NEB: variants seen among roughly 807,000 people sequenced by gnomAD.
NEB encodes the protein nemaline myopathy type 2.
NEB carries 512 observed loss-of-function variants against 952.2 expected under a neutral mutation model. That is an observed-to-expected ratio of 0.54 (90% CI 0.50 to 0.58). NEB has a LOEUF of 0.58. Ranked by LOEUF, NEB falls within the 20% of genes least tolerant of loss-of-function variation. The pLI, the probability that NEB is intolerant of heterozygous loss-of-function variation, is 0.00. For synonymous variants in NEB, 2,900 were observed against 3,149.8 expected, an observed-to-expected ratio of 0.92 and a Z score of 2.66; for missense variants, 8,428 against 9,231.1, an observed-to-expected ratio of 0.91 and a Z score of 3.56.
chr2:151,682,538 G>T, intron 29 of NEB, 124 bp downstream of exon 29: 2 of 769,864 alleles, frequency 2.6e-6, no homozygotes, highest in Non-Finnish European at 4.2e-6. Flanking sequence ...TTGTGCACGT[G>T]GTAAGCTCTT....
chr2:151,728,203 G>C (rs533225671), intron 4 of NEB, among the ~76,000 whole-genome samples: 11 of 152,078 alleles, frequency 7.2e-5, no homozygotes, highest in Admixed American at 1.3e-4. Flanking sequence ...TCAAAGTAGT[G>C]GGGGGGAAAT....
intron 125 of NEB, among the ~76,000 whole-genome samples, chr2:151,554,643 C>G (rs2095528582): frequency 6.6e-6 from 1 of 152,184 alleles, no homozygotes. Context: ...TTTGGAGTTA[C>G]CCTCATGTGT....
chr2:151,650,045 C>T, intron 54 of NEB, 131 bp downstream of exon 54: 2 of 825,282 alleles, frequency 2.4e-6, no homozygotes, highest in South Asian at 3.5e-5. Context: ...ATAAAATGAT[C>T]CAATATAAAA....
At chr2:151,496,786 G>A (rs2060515850) in intron 172 of NEB, among the ~76,000 whole-genome samples, 155 bp downstream of exon 172, 1 of 152,116 alleles carries the variant, frequency 6.6e-6, no homozygotes. Flanking sequence ...AATGGTGTTA[G>A]GCTAGAAGTA....
At chr2:151,638,807 CTGTGTGTGTGTGTGTG>C (rs71996133) in intron 63 of NEB, among the ~76,000 whole-genome samples, 40 of 147,958 alleles carry the variant, frequency 2.7e-4, no homozygotes, top group Middle Eastern at 3.5e-3. Context: ...TTCTCTCTCT[CTGTGTGTGTGTGTGTG>C]TGTGTGTGTG....
At position 151,614,563 on chromosome 2, in the gene NEB, T is replaced by C; in HGVS notation, c.11314A>G (p.Lys3772Glu). ...SDYKYKEGYR[K>E]QLGHHIGARN... is the part of the protein sequence containing the mutation. Reference sequence around the variant, plus strand: ...GCCCCAATATGGTGGCCAAGCTGTTTGCGGTAGCCTTCCTTGTACTTGTAC... The same window carrying C: ...GCCCCAATATGGTGGCCAAGCTGTTCGCGGTAGCCTTCCTTGTACTTGTAC... Residue 3772 changes from lysine (K) to glutamate (E), a missense_variant, in exon 77 of 182, where the codon AAA (lysine) becomes GAA (glutamate). Transcript: ENST00000397345. 1 of 1,613,736 alleles carries C rather than the reference T, an allele frequency of 6.2e-7. No homozygotes were observed. Among genetic ancestry groups the C allele is most frequent in the African/African-American group, 1.3e-5 (1 of 75,038 alleles).
intron 113 of NEB, 44 bp from the exon 114 acceptor site, chr2:151,567,523 C>T: frequency 1.3e-6 from 2 of 1,529,712 alleles, no homozygotes. Flanking sequence ...TTGACAAGCA[C>T]ACAAGGCAGA....
In NEB at chr2:151,568,396, T is replaced by G. The variant is rs766548586; in HGVS notation, c.17656A>C (p.Asn5886His). Residue 5886 changes from asparagine (N) to histidine (H), a missense_variant, in exon 112 of 182, where the codon AAT becomes CAT. Physicochemically the swap from Asn to His is moderately conservative, Grantham distance 68. Coordinates refer to ENST00000397345, the MANE Select transcript of NEB (RefSeq NM_001164508.2). The stretch of plus-strand genomic sequence containing the variant: ...AGGGTGTACTTTGATTTGGTGGCAT[T>G]CCAGTCTTTCCGGTATTTAATCTAA... ...LDDIKYRKDW[N>H]ATKSKYTLTE... The G allele has an allele frequency of 1.2e-6, 2 of 1,606,246 alleles. No individual in the cohort carries two copies. The highest frequency in any genetic ancestry group is 2.2e-5 in the South Asian group (2 of 90,802).
In NEB at chr2:151,525,129, T is replaced by A. The variant is rs375442628; in HGVS notation, c.22272+34A>T. 6 of 1,458,588 alleles carry A rather than the reference T, an allele frequency of 4.1e-6. No individual in the cohort carries two copies. In the African/African-American group the frequency reaches 8.4e-5, roughly 20 times the overall value. 90.4% of individuals were successfully genotyped at this position (1,458,588 alleles called of 1,614,324 possible). A position where few individuals can be genotyped will look rare whatever the true frequency, so the allele number is the denominator to read the frequency against. On this transcript the variant is annotated intron_variant, in intron 151 of 181. Transcript: ENST00000397345. ...CCAATCTGGGTTCCACTGCTTCAAA[T>A]GGGCCCCCAAGAGTGTTGAGAGGGA...
chr2:151,727,724 T>C lies in NEB; in HGVS notation c.261A>G (p.Ala87=), dbSNP rs1254794698. The part of the protein sequence containing the change: ...DPSKFMTPYI[A]HSQKMQDLFS... ...AAAGATCCTGCATTTTCTGACTGTG[T>C]GCAATGTAGGGGGTCATGAACTTTG... is the stretch of plus-strand genomic sequence containing the variant. Residue 87 remains alanine (A), a synonymous_variant, in exon 5 of 182, where the codon GCA becomes GCG. Transcript: ENST00000397345. 6.2e-7 allele frequency: 1 copy of C among 1,613,598 alleles called. No homozygotes were observed. The highest frequency in any genetic ancestry group is 1.1e-5 in the South Asian group (1 of 91,080).
Position 151,685,067 on chromosome 2 carries a change from G to C in NEB, c.2638-92C>G, listed in dbSNP as rs1010094324. ...TTTCATAAACAATAAATACAAGTTA[G>C]AGAAAGAGTCAAACATCTGAGTAGT... is the stretch of plus-strand genomic sequence containing the variant. On this transcript the variant is annotated intron_variant, in intron 27 of 181. Coordinates refer to ENST00000397345, the MANE Select transcript of NEB (RefSeq NM_001164508.2). 30 of 1,306,116 alleles carry C rather than the reference G, an allele frequency of 2.3e-5. No individual in the cohort carries two copies. In the African/African-American group the frequency reaches 4.2e-4, roughly 18 times the overall value. 80.9% of individuals were successfully genotyped at this position (1,306,116 alleles called of 1,614,324 possible).
intron 170 of NEB, chr2:151,498,048 A>ATTAT (rs2061494097): frequency 3.5e-6 from 5 of 1,448,962 alleles, no homozygotes; most frequent in South Asian, 3.0e-5. Context: ...GGAAACATTC[A>ATTAT]TTATTTTTAA....
intron 124 of NEB, among the ~76,000 whole-genome samples, chr2:151,557,500 C>A (rs187197725): frequency 8.9e-4 from 135 of 152,296 alleles, no homozygotes; most frequent in African/African-American, 3.2e-3. Flanking sequence ...AAGAGAGAAT[C>A]CTCCCTAACT....
Position 151,531,875 on chromosome 2 carries a change from C to G in NEB, c.21439G>C (p.Glu7147Gln), listed in dbSNP as rs139840492. 6.3e-7 allele frequency: 1 copy of G among 1,598,248 alleles called. No homozygotes were observed. Among genetic ancestry groups the G allele is most frequent in the East Asian group, 2.3e-5 (1 of 44,376 alleles). ...GAGGTAAATTTGTCCTTTGATTTTTCATAGTTTTTCCTGTATTTGATCTAA... is the reference window on the plus strand; with the variant it reads ...GAGGTAAATTTGTCCTTTGATTTTTGATAGTTTTTCCTGTATTTGATCTAA... ...WSQIKYRKNY[E>Q]KSKDKFTSIV... The change falls in exon 144 of 182, where the codon GAA (glutamate) becomes CAA (glutamine). Residue 7147 changes from glutamate (E) to glutamine (Q), a missense_variant. By Grantham distance (29) the Glu-to-Gln change is conservative. This residue lies in a region of NEB where 3,374 missense variants were observed against 3,651.5 expected (regional missense o/e 0.92). Transcript: ENST00000397345.
At chr2:151,658,835 C>A (rs964696164) in intron 47 of NEB, among the ~76,000 whole-genome samples, 3 of 152,102 alleles carry the variant, frequency 2.0e-5, no homozygotes, top group African/African-American at 7.2e-5. Context: ...GGAGTGCCCC[C>A]CTAGAACAAA....
At position 151,576,193 on chromosome 2, in the gene NEB, A is replaced by C. The variant is rs2096822866; in HGVS notation, c.16866T>G (p.Pro5622=). The change falls in exon 106 of 182, where the codon CCT becomes CCG. Residue 5622 remains proline, a synonymous_variant. Transcript: ENST00000397345. ...NLKYTSIVDT[P]EVVLAKSNAE... ...CATTTGATTTAGCAAGGACCACTTCAGGTGTGTCAACAATGCTTGTGTACT... is the reference window on the plus strand; with the variant it reads ...CATTTGATTTAGCAAGGACCACTTCCGGTGTGTCAACAATGCTTGTGTACT... The C allele has an allele frequency of 6.2e-7, 1 of 1,609,796 alleles. No homozygotes were observed. The highest frequency in any genetic ancestry group is 1.3e-5 in the African/African-American group (1 of 74,852).
chr2:151,635,770 T>C (rs2098750128), intron 64 of NEB, among the ~76,000 whole-genome samples: 1 of 151,534 alleles, frequency 6.6e-6, no homozygotes, highest in Non-Finnish European at 1.5e-5. Flanking sequence ...ACTGATCAAC[T>C]GCCTTCTTTT....
intron 181 of NEB, chr2:151,486,557 C>T (rs573399302): frequency 2.6e-5 from 4 of 152,374 alleles, no homozygotes; most frequent in South Asian, 4.1e-4. Context: ...CATCCATGTC[C>T]GTAGCAGCAT....
chr2:151,629,416 G>T, intron 68 of NEB, 123 bp downstream of exon 68: 1 of 843,056 alleles, frequency 1.2e-6, no homozygotes, highest in Non-Finnish European at 1.9e-6. Context: ...CTTTGAATTT[G>T]AATTTGATTT....
Sources: gnomAD v4.1 joint callset for allele counts (sites outside exome capture counted in the v4.1 genomes callset) on GRCh38, gnomAD v4.1.1 for gene constraint, gnomAD v4.1.1 regional missense constraint, MANE v1.5 for transcripts, NCBI Gene and HGNC (gene_info 2026-07-23, HGNC 2026-07-21) for gene names.